CCSER1: variants seen among roughly 807,000 people sequenced by gnomAD.
CCSER1 encodes serine-rich coiled-coil domain-containing protein 1.
In CCSER1, 41 loss-of-function variants were observed where a neutral mutation model predicts 82.0. The observed-to-expected ratio is 0.50, with a 90% CI of 0.39 to 0.65. The LOEUF (loss-of-function observed/expected upper bound fraction) is 0.65. Among genes scored for constraint, CCSER1 ranks in the 30% least tolerant of loss-of-function variants. The pLI is 0.00. For synonymous variants in CCSER1, 414 were observed against 383.9 expected (o/e 1.08, Z -0.92); for missense variants, 1,119 against 1,064.2 (o/e 1.05, Z -0.72).
intron 10 of CCSER1, among the ~76,000 whole-genome samples, chr4:91,463,642 T>G (rs1756653727): frequency 1.3e-5 from 2 of 152,114 alleles, no homozygotes; most frequent in African/African-American, 2.4e-5. Context: ...GAATAACCAG[T>G]GTAGAGAAGT....
intron 5 of CCSER1, among the ~76,000 whole-genome samples, chr4:90,538,210 G>A (rs185967141): frequency 4.3e-4 from 66 of 152,084 alleles, no homozygotes; most frequent in African/African-American, 1.3e-3. Context: ...GATGGGGCTG[G>A]GGGTTGCAGC....
chr4:90,472,512 C>T (rs1213953584), intron 5 of CCSER1, among the ~76,000 whole-genome samples: 1 of 152,080 alleles, frequency 6.6e-6, no homozygotes, highest in African/African-American at 2.4e-5. Flanking sequence ...GAGAAACTAA[C>T]TAAATCGTTA....
chr4:91,158,059 C>G (rs1730995014), intron 10 of CCSER1, among the ~76,000 whole-genome samples: 1 of 151,844 alleles, frequency 6.6e-6, no homozygotes. Flanking sequence ...TCTAATGAGC[C>G]TACTGTCTTT....
chr4:90,906,234 T>C (rs763251751), intron 8 of CCSER1, among the ~76,000 whole-genome samples: 7 of 152,152 alleles, frequency 4.6e-5, no homozygotes, highest in Non-Finnish European at 7.3e-5. Context: ...TAATTTTTGC[T>C]CATGACTATG....
chr4:91,112,043 C>T (rs887602247), intron 10 of CCSER1, among the ~76,000 whole-genome samples: 3 of 152,044 alleles, frequency 2.0e-5, no homozygotes, highest in African/African-American at 7.2e-5. Context: ...GGGGAAAGCA[C>T]TTTATAGCTC....
chr4:90,897,087 A>G (rs1198426070), intron 8 of CCSER1, among the ~76,000 whole-genome samples: 1 of 151,904 alleles, frequency 6.6e-6, no homozygotes, highest in Non-Finnish European at 1.5e-5. Context: ...TTGGGGACCA[A>G]TTACACTTTT....
At chr4:91,153,928 G>A (rs563480129) in intron 10 of CCSER1, among the ~76,000 whole-genome samples, 2 of 151,954 alleles carry the variant, frequency 1.3e-5, no homozygotes, top group African/African-American at 4.8e-5. Context: ...CTACTGGGAG[G>A]TGCCTCCCAG....
At chr4:91,104,202 A>G (rs1417945058) in intron 10 of CCSER1, among the ~76,000 whole-genome samples, 2 of 152,200 alleles carry the variant, frequency 1.3e-5, no homozygotes, top group African/African-American at 2.4e-5. Context: ...ACCACTGAAC[A>G]TAGCCCTTTA....
rs114542511 is a variant in CCSER1, at chr4:90,752,282, A to G, written c.2010+28291A>G. Reference sequence around the variant, plus strand: ...TTCAAAACTCATGCCTGTAAGTACTATGCTATGCTACTTCTCTAATAGAAT... The same window carrying G: ...TTCAAAACTCATGCCTGTAAGTACTGTGCTATGCTACTTCTCTAATAGAAT... On this transcript the variant is annotated intron_variant, in intron 7 of 10. Coordinates refer to ENST00000509176, the MANE Select transcript of CCSER1 (RefSeq NM_001145065.2). Among the ~76,000 whole-genome samples, 918 of 152,244 alleles carry G rather than the reference A, an allele frequency of 6.0e-3. 8 individuals carry two copies. Among genetic ancestry groups the G allele is most frequent in the Non-Finnish European group, 9.3e-3 (631 of 67,976 alleles).
intron 5 of CCSER1, among the ~76,000 whole-genome samples, chr4:90,620,519 CCT>C (rs1357690277): frequency 6.6e-6 from 1 of 152,002 alleles, no homozygotes; most frequent in African/African-American, 2.4e-5. Flanking sequence ...AAGTACTGTC[CCT>C]GTTACCTCCT....
chr4:90,159,111 G>T (rs1728932424), intron 1 of CCSER1, among the ~76,000 whole-genome samples: 1 of 152,022 alleles, frequency 6.6e-6, no homozygotes, highest in African/African-American at 2.4e-5. Flanking sequence ...ATAGCTCCCT[G>T]CAGCCTCAAA....
At chr4:91,102,761 T>A (rs1332049835) in intron 10 of CCSER1, among the ~76,000 whole-genome samples, 1 of 152,244 alleles carries the variant, frequency 6.6e-6, no homozygotes, top group African/African-American at 2.4e-5. Context: ...TCTTTAACTA[T>A]GTCAATTAAT....
At chr4:91,437,169 T>C (rs535687046) in intron 10 of CCSER1, among the ~76,000 whole-genome samples, 42 of 152,284 alleles carry the variant, frequency 2.8e-4, no homozygotes, top group African/African-American at 9.9e-4. Context: ...AAATGTCAGA[T>C]TAACTGGGCC....
chr4:90,464,314 A>G (rs1225310315), intron 4 of CCSER1, among the ~76,000 whole-genome samples: 1 of 152,236 alleles, frequency 6.6e-6, no homozygotes. Context: ...TTTTAGGATA[A>G]GCAATTTTTG....
In CCSER1 at chr4:90,724,948, A is replaced by G. The variant is rs867072522; in HGVS notation, c.2010+957A>G. On this transcript the variant is annotated intron_variant, in intron 7 of 10. Transcript: ENST00000509176. ...GTTGAAATGATAATTATAGAAGGCT[A>G]TGAATTCAAATGAGAGTATTTAGTT... is the stretch of plus-strand genomic sequence containing the variant. 10 of 403,804 alleles carry G rather than the reference A, an allele frequency of 2.5e-5. 1 individual carries two copies. The Middle Eastern group carries it at 3.2e-3, about 131-fold the overall frequency. 25.0% of individuals were successfully genotyped at this position (403,804 alleles called of 1,614,324 possible). A position where few individuals can be genotyped will look rare whatever the true frequency, so the allele number is the denominator to read the frequency against.
chr4:90,729,193 AT>A (rs1744257543), intron 7 of CCSER1, among the ~76,000 whole-genome samples: 1 of 152,208 alleles, frequency 6.6e-6, no homozygotes, highest in African/African-American at 2.4e-5. Context: ...AGTAACCCAT[AT>A]GTAACTGTTG....
chr4:90,640,232 A>G (rs1726238455), intron 6 of CCSER1, among the ~76,000 whole-genome samples: 1 of 152,196 alleles, frequency 6.6e-6, no homozygotes, highest in South Asian at 2.1e-4. Context: ...TAGAATAGAA[A>G]TAACCATTTC....
intron 10 of CCSER1, among the ~76,000 whole-genome samples, chr4:91,505,002 C>T (rs1759410468): frequency 6.6e-6 from 1 of 152,132 alleles, no homozygotes; most frequent in Non-Finnish European, 1.5e-5. Context: ...TATGGGTAAA[C>T]ATGTGCCATG....
At chr4:90,184,679 T>A (rs151076762) in intron 1 of CCSER1, among the ~76,000 whole-genome samples, 1 of 152,080 alleles carries the variant, frequency 6.6e-6, no homozygotes, top group Admixed American at 6.6e-5. Flanking sequence ...AGGTAAAGTG[T>A]TTGCTCAGCC....
Sources: gnomAD v4.1 joint callset for allele counts (sites outside exome capture counted in the v4.1 genomes callset) on GRCh38, gnomAD v4.1.1 for gene constraint, MANE v1.5 for transcripts, NCBI Gene and HGNC (gene_info 2026-07-23, HGNC 2026-07-21) for gene names.